NAV3: variants seen among roughly 807,000 people sequenced by gnomAD.
NAV3 encodes neuron navigator 3.
In NAV3, 87 loss-of-function variants were observed where a neutral mutation model predicts 244.7. That is an observed-to-expected ratio of 0.36 (90% CI 0.30 to 0.42). The LOEUF (loss-of-function observed/expected upper bound fraction) is 0.42. NAV3 is among the 20% of genes least tolerant of loss of function. The pLI is 1.00. For missense variants in NAV3, 2,663 were observed against 2,893.3 expected (o/e 0.92, Z 1.83); for synonymous variants, 1,126 against 1,042.2 (o/e 1.08, Z -1.55).
intron 1 of NAV3, among the ~76,000 whole-genome samples, chr12:77,844,625 T>C (rs1876303077): frequency 6.6e-6 from 1 of 152,222 alleles, no homozygotes; most frequent in Non-Finnish European, 1.5e-5. Context: ...TCTCCCCTTA[T>C]CCCTCCATTC....
chr12:77,616,339 G>A (rs1183738001), intron 2 of NAV3, among the ~76,000 whole-genome samples: 1 of 151,848 alleles, frequency 6.6e-6, no homozygotes, highest in Non-Finnish European at 1.5e-5. Context: ...TAGGGAGGCA[G>A]AGGTTGCAGT....
chr12:77,917,488 G>A (rs929483512), intron 1 of NAV3, among the ~76,000 whole-genome samples: 4 of 151,834 alleles, frequency 2.6e-5, no homozygotes, highest in Admixed American at 6.6e-5. Context: ...TTTATGTATC[G>A]AGGGTTATTT....
At chr12:77,858,970 C>T (rs908186056) in intron 1 of NAV3, among the ~76,000 whole-genome samples, 1 of 151,992 alleles carries the variant, frequency 6.6e-6, no homozygotes, top group Non-Finnish European at 1.5e-5. Flanking sequence ...GTTCATAAAC[C>T]TTTTGTGTTG....
intron 1 of NAV3, among the ~76,000 whole-genome samples, chr12:77,844,011 A>T (rs1040057567): frequency 2.6e-5 from 4 of 152,220 alleles, no homozygotes; most frequent in African/African-American, 7.2e-5. Flanking sequence ...GGGGTCGTCC[A>T]CACATTTGGA....
At chr12:77,739,256 G>T (rs565037158) in intron 2 of NAV3, among the ~76,000 whole-genome samples, 1 of 152,136 alleles carries the variant, frequency 6.6e-6, no homozygotes, top group African/African-American at 2.4e-5. Context: ...GTCAGCTGTT[G>T]TTTATATCAT....
intron 9 of NAV3, among the ~76,000 whole-genome samples, chr12:78,040,346 GA>G (rs1880651457): frequency 6.6e-6 from 1 of 151,966 alleles, no homozygotes; most frequent in Non-Finnish European, 1.5e-5. Context: ...ATGTCATGAT[GA>G]AAAAAACCTA....
At chr12:77,967,689 T>C (rs1030208042) in intron 4 of NAV3, among the ~76,000 whole-genome samples, 12 of 152,242 alleles carry the variant, frequency 7.9e-5, no homozygotes, top group Admixed American at 7.8e-4. Context: ...TTTTTTAAGT[T>C]ATAACTACAG....
chr12:78,189,700 A>G (rs1252912368), intron 33 of NAV3, among the ~76,000 whole-genome samples: 1 of 151,860 alleles, frequency 6.6e-6, no homozygotes, highest in Non-Finnish European at 1.5e-5. Context: ...TAATGCTTCC[A>G]TTTCTCTCTG....
intron 2 of NAV3, among the ~76,000 whole-genome samples, chr12:77,674,658 G>C (rs1874129931): frequency 6.6e-6 from 1 of 152,156 alleles, no homozygotes; most frequent in African/African-American, 2.4e-5. Flanking sequence ...CCAAAGTGCT[G>C]AATTATAGAC....
chr12:78,047,811 T>TG (rs1882083678), intron 9 of NAV3, among the ~76,000 whole-genome samples: 1 of 152,212 alleles, frequency 6.6e-6, no homozygotes, highest in Non-Finnish European at 1.5e-5. Flanking sequence ...TTTTCCAACT[T>TG]GGTTCCATTC....
chr12:78,158,935 T>A (rs534610971), intron 22 of NAV3, among the ~76,000 whole-genome samples: 1 of 152,308 alleles, frequency 6.6e-6, no homozygotes. Context: ...CAGAAGGAGT[T>A]ATTACTTGCA....
intron 2 of NAV3, among the ~76,000 whole-genome samples, chr12:77,732,102 G>T (rs1345607161): frequency 6.6e-6 from 1 of 152,022 alleles, no homozygotes; most frequent in African/African-American, 2.4e-5. Flanking sequence ...AAAAGACTGA[G>T]GTTGCTGCTA....
intron 31 of NAV3, among the ~76,000 whole-genome samples, chr12:78,186,533 A>AAT (rs2139817380): frequency 6.6e-6 from 1 of 152,022 alleles, no homozygotes; most frequent in South Asian, 2.1e-4. Flanking sequence ...GAGAGACAGT[A>AAT]ATACTCTTAG....
chr12:77,997,939 A>G (rs910955264), intron 6 of NAV3, among the ~76,000 whole-genome samples: 1 of 152,240 alleles, frequency 6.6e-6, no homozygotes, highest in South Asian at 2.1e-4. Context: ...TACACATTGA[A>G]AAGAACAGCT....
intron 2 of NAV3, among the ~76,000 whole-genome samples, chr12:77,748,825 G>A (rs1483302582): frequency 1.3e-5 from 2 of 152,112 alleles, no homozygotes; most frequent in Non-Finnish European, 2.9e-5. Flanking sequence ...TCTAGTCAGT[G>A]ATATTGTATT....
intron 19 of NAV3, among the ~76,000 whole-genome samples, chr12:78,138,997 A>G (rs938435291): frequency 6.6e-6 from 1 of 152,204 alleles, no homozygotes; most frequent in African/African-American, 2.4e-5. Flanking sequence ...TCATAAACAG[A>G]AAGAATGAGA....
intron 33 of NAV3, among the ~76,000 whole-genome samples, chr12:78,189,547 AAC>A (rs984282277): frequency 8.3e-5 from 12 of 145,070 alleles, no homozygotes; most frequent in African/African-American, 2.4e-4. Flanking sequence ...TAAAAGAAAG[AAC>A]ACACACACAC....
At chr12:77,739,806 A>C (rs117450845) in intron 2 of NAV3, among the ~76,000 whole-genome samples, 3,652 of 152,310 alleles carry the variant, frequency 0.024, 63 homozygotes, top group Non-Finnish European at 0.035. Context: ...CAGATGATGG[A>C]AAATTCAGAT....
chr12:77,606,926 A>T (rs1217188432), intron 2 of NAV3, among the ~76,000 whole-genome samples: 1 of 152,096 alleles, frequency 6.6e-6, no homozygotes, highest in Non-Finnish European at 1.5e-5. Flanking sequence ...AAGGTATAGA[A>T]TATGTTGATT....
Sources: gnomAD v4.1 joint callset for allele counts (sites outside exome capture counted in the v4.1 genomes callset) on GRCh38, gnomAD v4.1.1 for gene constraint, MANE v1.5 for transcripts, NCBI Gene and HGNC (gene_info 2026-07-23, HGNC 2026-07-21) for gene names.